Variants in TSPAN8 observed in about 807,000 individuals in gnomAD.
TSPAN8 encodes tetraspanin 8.
In TSPAN8, 21 loss-of-function variants were observed where a neutral mutation model predicts 32.8. That is an observed-to-expected ratio of 0.64 (90% confidence interval 0.45 to 0.92). The LOEUF (loss-of-function observed/expected upper bound fraction) is 0.92, where lower values mean the gene tolerates loss of function less well. Ranked by LOEUF, TSPAN8 falls within the 40% of genes least tolerant of loss-of-function variation. The probability of loss-of-function intolerance (pLI) is 0.00; values close to 1 mark genes in which losing one functional copy is unlikely to be tolerated. For synonymous variants in TSPAN8, 95 were observed against 94.6 expected (o/e 1.00, Z -0.03); for missense variants, 269 against 281.9 (o/e 0.95, Z 0.33).
In TSPAN8 at chr12:71,132,783, T is replaced by C. The variant is rs1199596030; in HGVS notation, c.486A>G (p.Gly162=). The C allele has an allele frequency of 1.2e-6, 2 of 1,613,972 alleles. No homozygotes were observed. Among genetic ancestry groups the C allele is most frequent in the East Asian group, 4.5e-5 (2 of 44,826 alleles). Residue 162 remains glycine (G), a synonymous_variant, in exon 7 of 9, where the codon GGA becomes GGG. Transcript: ENST00000247829. ...CGLVNGAADW[G]NNFQHYPELC... Reference sequence around the variant, plus strand: ...ATTCAGGATAGTGTTGAAAATTATTTCCCCAATCAGCAGCTCCATTGACCA... The same window carrying C: ...ATTCAGGATAGTGTTGAAAATTATTCCCCCAATCAGCAGCTCCATTGACCA...
Position 71,137,945 on chromosome 12 carries a change from CTAAT to C in TSPAN8, c.444+4_444+7del, listed in dbSNP as rs781167331. The C allele has an allele frequency of 1.6e-5, 26 of 1,608,214 alleles. No individual in the cohort carries two copies. Among genetic ancestry groups the C allele is most frequent in the Admixed American group, 8.4e-5 (5 of 59,272 alleles). ...AACTCTTTAAAATGAACAATGAATT[CTAAT>C]TACCTCTTCTTGAAACACAATTATG... On this transcript the variant is annotated splice_donor_5th_base_variant and intron_variant, in intron 6 of 8. Transcript: ENST00000247829.
At chr12:71,129,911 T>C (rs1038273750) in intron 7 of TSPAN8, among the ~76,000 whole-genome samples, 1 of 151,884 alleles carries the variant, frequency 6.6e-6, no homozygotes, top group Non-Finnish European at 1.5e-5. Flanking sequence ...ATTGTAAATT[T>C]TCATTTTTAA....
At chr12:71,131,326 T>A (rs1871511713) in intron 7 of TSPAN8, among the ~76,000 whole-genome samples, 1 of 152,128 alleles carries the variant, frequency 6.6e-6, no homozygotes. Flanking sequence ...GGTAGATTAT[T>A]TATTGAGTTA....
At chr12:71,150,201 T>G (rs571866560) in intron 2 of TSPAN8, among the ~76,000 whole-genome samples, 2 of 152,276 alleles carry the variant, frequency 1.3e-5, no homozygotes, top group South Asian at 4.1e-4. Context: ...TTTCTGTTGT[T>G]TAAGATGTTT....
chr12:71,156,594 T>TCC (rs1872452483), intron 2 of TSPAN8, among the ~76,000 whole-genome samples: 1 of 152,182 alleles, frequency 6.6e-6, no homozygotes, highest in Non-Finnish European at 1.5e-5. Context: ...AATCAGTCTA[T>TCC]ACAATAAAGC....
At chr12:71,156,424 A>G (rs1872443061) in intron 2 of TSPAN8, among the ~76,000 whole-genome samples, 1 of 152,200 alleles carries the variant, frequency 6.6e-6, no homozygotes, top group Admixed American at 6.5e-5. Context: ...AGCATGAGCT[A>G]CATTAAATAT....
chr12:71,140,152 C>G (rs1296967968), intron 3 of TSPAN8, among the ~76,000 whole-genome samples: 3 of 152,066 alleles, frequency 2.0e-5, no homozygotes, highest in African/African-American at 7.2e-5. Context: ...ATCTTTGGTT[C>G]ACATATTTTG....
chr12:71,125,764 T>C (rs997681425), intron 8 of TSPAN8, among the ~76,000 whole-genome samples: 3 of 152,122 alleles, frequency 2.0e-5, no homozygotes, highest in Non-Finnish European at 2.9e-5. Context: ...TAAATATACG[T>C]AATGCTTCCA....
chr12:71,130,941 C>T (rs1393365063), intron 7 of TSPAN8, among the ~76,000 whole-genome samples: 1 of 152,196 alleles, frequency 6.6e-6, no homozygotes. Flanking sequence ...GAATTTACAA[C>T]CTTCCTTTTG....
chr12:71,153,023 C>T (rs1434843039), intron 2 of TSPAN8, among the ~76,000 whole-genome samples: 1 of 152,174 alleles, frequency 6.6e-6, no homozygotes, highest in East Asian at 1.9e-4. Context: ...TTTGGCTCCT[C>T]CCTATGACTC....
At chr12:71,133,866 T>A (rs1705261) in intron 6 of TSPAN8, among the ~76,000 whole-genome samples, 59,872 of 151,834 alleles carry the variant, frequency 0.39, 12,247 homozygotes, top group African/African-American at 0.45. Context: ...TTCCATCTGC[T>A]CAATTAAGGG....
At chr12:71,141,203 C>T (rs1464932494) in intron 3 of TSPAN8, among the ~76,000 whole-genome samples, 1 of 152,168 alleles carries the variant, frequency 6.6e-6, no homozygotes, top group Non-Finnish European at 1.5e-5. Flanking sequence ...GCCAAGGCCT[C>T]CTTTGTCTCT....
intron 7 of TSPAN8, among the ~76,000 whole-genome samples, chr12:71,131,607 A>G (rs1418576559): frequency 6.6e-6 from 1 of 151,022 alleles, no homozygotes; most frequent in Admixed American, 6.7e-5. Flanking sequence ...TCTGCCTCTC[A>G]ACTAGATTGT....
chr12:71,153,118 T>C (rs1872311224), intron 2 of TSPAN8, among the ~76,000 whole-genome samples: 1 of 152,186 alleles, frequency 6.6e-6, no homozygotes, highest in African/African-American at 2.4e-5. Flanking sequence ...GTCATTATTC[T>C]ACTGCATCCA....
At position 71,132,822 on chromosome 12, in the gene TSPAN8, A is replaced by C. The variant is rs1178975290; in HGVS notation, c.447T>G (p.Phe149Leu). ...QEAIIVFQEE[F>L]KCCGLVNGAA... ...CTCCATTGACCAAACCGCAGCATTTAAACTGTTTGATAAAAGGTAGAATGA... is the reference window on the plus strand; with the variant it reads ...CTCCATTGACCAAACCGCAGCATTTCAACTGTTTGATAAAAGGTAGAATGA... Residue 149 changes from phenylalanine (F) to leucine (L), a missense_variant and splice_region_variant, in exon 7 of 9, where the codon TTT (phenylalanine) becomes TTG (leucine). By Grantham distance (22) the Phe-to-Leu change is conservative. Coordinates refer to ENST00000247829, the MANE Select transcript of TSPAN8 (RefSeq NM_004616.3). The C allele has an allele frequency of 1.9e-6, 3 of 1,613,828 alleles. No individual in the cohort carries two copies. Among genetic ancestry groups the C allele is most frequent in the Non-Finnish European group, 2.5e-6 (3 of 1,179,934 alleles).
intron 6 of TSPAN8, 43 bp from the exon 7 acceptor site, chr12:71,132,867 T>C (rs752377778): frequency 1.9e-6 from 3 of 1,607,404 alleles, no homozygotes; most frequent in Non-Finnish European, 2.6e-6. Flanking sequence ...AGTAAGAAGA[T>C]TAAAAACATT....
chr12:71,156,229 T>C (rs1030960409), intron 2 of TSPAN8, among the ~76,000 whole-genome samples: 3 of 126,622 alleles, frequency 2.4e-5, no homozygotes, highest in African/African-American at 7.1e-5. Flanking sequence ...CTATCTTCTT[T>C]AGTGAATATT....
At chr12:71,144,553 T>C (rs2137056252) in intron 2 of TSPAN8, among the ~76,000 whole-genome samples, 1 of 152,302 alleles carries the variant, frequency 6.6e-6, no homozygotes, top group East Asian at 1.9e-4. Flanking sequence ...TCACAACAGT[T>C]TAAAGATAAA....
At chr12:71,130,693 G>A (rs4142884) in intron 7 of TSPAN8, among the ~76,000 whole-genome samples, 44,675 of 151,934 alleles carry the variant, frequency 0.29, 8,004 homozygotes, top group Non-Finnish European at 0.41. Flanking sequence ...TTAACCCAAC[G>A]TGGTAAACAT....
Sources: gnomAD v4.1 joint callset for allele counts (sites outside exome capture counted in the v4.1 genomes callset) on GRCh38, gnomAD v4.1.1 for gene constraint, MANE v1.5 for transcripts, NCBI Gene and HGNC (gene_info 2026-07-23, HGNC 2026-07-21) for gene names.